The following PPP1R42 variants were observed in gnomAD, a reference collection of about 807,000 sequenced individuals.
The protein encoded by PPP1R42 is protein phosphatase 1 regulatory subunit 42.
In PPP1R42, 34 loss-of-function variants were observed where a neutral mutation model predicts 31.0. That is an observed-to-expected ratio of 1.10 (90% CI 0.83 to 1.46). The LOEUF (loss-of-function observed/expected upper bound fraction) is 1.46. Ranked by LOEUF, PPP1R42 falls within the 40% of genes most tolerant of loss-of-function variation. The pLI is 0.00. For missense variants in PPP1R42, 268 were observed against 303.0 expected (o/e 0.88, Z 0.86); for synonymous variants, 103 against 109.8 (o/e 0.94, Z 0.39).
chr8:67,019,762 C>CCTA (rs1456336182), intron 1 of PPP1R42, among the ~76,000 whole-genome samples: 1 of 151,562 alleles, frequency 6.6e-6, no homozygotes, highest in Non-Finnish European at 1.5e-5. Context: ...GTGGCGGGCG[C>CCTA]CTGTAGTCCC....
chr8:67,010,519 A>G (rs980564873), intron 5 of PPP1R42, 196 bp downstream of exon 5: 3 of 499,926 alleles, frequency 6.0e-6, no homozygotes, highest in Non-Finnish European at 1.0e-5. Flanking sequence ...CAGGTATTGG[A>G]GTATAAAGGA....
intron 5 of PPP1R42, among the ~76,000 whole-genome samples, chr8:67,002,924 C>A (rs1198501314): frequency 6.7e-6 from 1 of 149,632 alleles, no homozygotes; most frequent in African/African-American, 2.5e-5. Context: ...GAGGCCGAGG[C>A]GGTTTGGATC....
chr8:66,981,264 A>G (rs1178050207), intron 7 of PPP1R42, among the ~76,000 whole-genome samples: 3 of 152,168 alleles, frequency 2.0e-5, no homozygotes, highest in East Asian at 1.9e-4. Flanking sequence ...AACTTTAGGT[A>G]TATTATAATC....
chr8:67,012,583 T>C (rs1815875366), intron 4 of PPP1R42, among the ~76,000 whole-genome samples: 1 of 152,216 alleles, frequency 6.6e-6, no homozygotes, highest in Admixed American at 6.5e-5. Context: ...TTTAAAAGTT[T>C]CCAAATAATT....
chr8:67,016,438 G>A (rs1816019167), intron 2 of PPP1R42, among the ~76,000 whole-genome samples: 1 of 152,116 alleles, frequency 6.6e-6, no homozygotes, highest in South Asian at 2.1e-4. Context: ...TGTTATTGCA[G>A]CCTTTAAAGT....
intron 6 of PPP1R42, chr8:66,984,598 A>G (rs1218998509): frequency 2.6e-6 from 3 of 1,175,578 alleles, no homozygotes; most frequent in Non-Finnish European, 3.8e-6. Flanking sequence ...CTCCATATAC[A>G]GATACGTGTA....
intron 5 of PPP1R42, among the ~76,000 whole-genome samples, chr8:66,992,999 T>C (rs1020884089): frequency 1.3e-5 from 2 of 152,156 alleles, no homozygotes; most frequent in Non-Finnish European, 2.9e-5. Flanking sequence ...TACTTGACAT[T>C]TTCTCTGGAA....
intron 5 of PPP1R42, among the ~76,000 whole-genome samples, chr8:67,010,452 T>C (rs1815808640): frequency 6.6e-6 from 1 of 152,134 alleles, no homozygotes; most frequent in African/African-American, 2.4e-5. Flanking sequence ...GGGAAAATAA[T>C]GCAAAGAAGA....
intron 5 of PPP1R42, among the ~76,000 whole-genome samples, chr8:67,008,954 A>G (rs1329430108): frequency 6.6e-6 from 1 of 152,140 alleles, no homozygotes; most frequent in African/African-American, 2.4e-5. Context: ...AAAAAGCATA[A>G]TAGAATAACT....
At chr8:67,013,518 T>C (rs528084715) in intron 3 of PPP1R42, among the ~76,000 whole-genome samples, 1 of 144,906 alleles carries the variant, frequency 6.9e-6, no homozygotes, top group East Asian at 2.0e-4. Flanking sequence ...CATAGGGAGA[T>C]CCCATCTCTA....
chr8:67,002,913 G>A (rs1160313733), intron 5 of PPP1R42, among the ~76,000 whole-genome samples: 1 of 151,134 alleles, frequency 6.6e-6, no homozygotes, highest in African/African-American at 2.4e-5. Context: ...CAGCACTTTG[G>A]GAGGCCGAGG....
chr8:66,966,534 C>G (rs1389438468), intron 7 of PPP1R42, among the ~76,000 whole-genome samples: 1 of 152,058 alleles, frequency 6.6e-6, no homozygotes, highest in Non-Finnish European at 1.5e-5. Context: ...GCCTGTAATC[C>G]CCCCACTTTG....
At chr8:67,006,947 G>A (rs956777936) in intron 5 of PPP1R42, among the ~76,000 whole-genome samples, 1 of 149,574 alleles carries the variant, frequency 6.7e-6, no homozygotes, top group African/African-American at 2.5e-5. Context: ...GTTTCACCAT[G>A]TTAGCCAGGA....
At chr8:67,010,902 A>G (rs543427464) in intron 4 of PPP1R42, 71 bp from the exon 5 acceptor site, 7 of 1,380,298 alleles carry the variant, frequency 5.1e-6, no homozygotes, top group Non-Finnish European at 6.8e-6. Context: ...AGAAATCCTA[A>G]TCTTTGAAAA....
intron 1 of PPP1R42, among the ~76,000 whole-genome samples, chr8:67,019,176 T>C (rs1816124595): frequency 6.8e-6 from 1 of 146,758 alleles, no homozygotes; most frequent in African/African-American, 2.5e-5. Context: ...CAAGTGCTCC[T>C]CCTGCCTATG....
intron 5 of PPP1R42, among the ~76,000 whole-genome samples, chr8:67,008,062 A>G (rs1815739219): frequency 6.6e-6 from 1 of 151,284 alleles, no homozygotes; most frequent in South Asian, 2.1e-4. Flanking sequence ...AATTTTTTGT[A>G]TTTTTAGTAG....
chr8:67,007,654 A>G (rs1292385237), intron 5 of PPP1R42, among the ~76,000 whole-genome samples: 2 of 152,124 alleles, frequency 1.3e-5, no homozygotes, highest in Non-Finnish European at 2.9e-5. Context: ...GCTGAGTACA[A>G]TGGAAGCTAT....
chr8:67,017,885 G>A, intron 1 of PPP1R42, 54 bp from the exon 2 acceptor site: 2 of 899,306 alleles, frequency 2.2e-6, no homozygotes, highest in South Asian at 8.3e-5. Context: ...TTAAGGAAAA[G>A]TTATTCTGAC....
intron 1 of PPP1R42, among the ~76,000 whole-genome samples, chr8:67,023,624 G>A (rs1054360099): frequency 3.3e-5 from 5 of 152,078 alleles, no homozygotes; most frequent in African/African-American, 1.2e-4. Flanking sequence ...TTATATATGA[G>A]TAACAGTCTA....
Sources: gnomAD v4.1 joint callset for allele counts (sites outside exome capture counted in the v4.1 genomes callset) on GRCh38, gnomAD v4.1.1 for gene constraint, MANE v1.5 for transcripts, NCBI Gene and HGNC (gene_info 2026-07-23, HGNC 2026-07-21) for gene names.